H2BC7: variants seen among roughly 807,000 people sequenced by gnomAD.
H2BC7 encodes the protein H2B clustered histone 7.
Under a neutral mutation model 6.0 loss-of-function variants are expected in H2BC7, and 15 were observed. The observed-to-expected ratio is 2.48, with a 90% CI of 1.66 to 3.82. H2BC7 has a LOEUF of 3.82. H2BC7 is among the 30% of genes most tolerant of loss of function. H2BC7 has a pLI of 0.00. For synonymous variants in H2BC7, 148 were observed against 70.7 expected (o/e 2.09, Z -5.49); for missense variants, 227 against 169.4 (o/e 1.34, Z -1.89).
Position 26,199,585 on chromosome 6 carries a change from T to TGCTCCAAAAAAGG in H2BC7, c.38_50dup (p.Ala18GlyfsTer15). On this transcript the variant is annotated frameshift_variant, in exon 1 of 1. Coordinates refer to ENST00000356530, the MANE Select transcript of H2BC7 (RefSeq NM_003522.4). LOFTEE classifies it high-confidence loss of function. ...TGCCTGAACCTGCTAAGTCCGCTCC[T>TGCTCCAAAAAAGG]GCTCCAAAAAAGGGCTCCAAAAAGG... The TGCTCCAAAAAAGG allele has an allele frequency of 1.2e-6, 2 of 1,614,150 alleles. No homozygotes were observed. The highest frequency in any genetic ancestry group is 2.2e-5 in the South Asian group (2 of 91,088).
rs767943857 is a variant in H2BC7, at chr6:26,199,710, C to T, written c.152C>T (p.Pro51Leu). Residue 51 changes from proline to leucine, a missense_variant, in exon 1 of 1, where the codon CCC (proline) becomes CTC (leucine). Transcript: ENST00000356530. ...YVYKVLKQVH[P>L]DTGISSKAMG... ...TACAAGGTGCTAAAGCAGGTCCACC[C>T]CGACACCGGCATCTCATCCAAGGCC... The T allele has an allele frequency of 1.9e-6, 3 of 1,614,268 alleles. No homozygotes were observed.
At position 26,199,617 on chromosome 6, in the gene H2BC7, C is replaced by A; in HGVS notation, c.59C>A (p.Thr20Asn). ...AAAAAGGGCTCCAAAAAGGCGGTGA[C>A]CAAGGCGCAGAAGAAGGATGGTAAG... ...APKKGSKKAV[T>N]KAQKKDGKKR... The change falls in exon 1 of 1, where the codon ACC becomes AAC. Residue 20 changes from threonine (T) to asparagine (N), a missense_variant. Thr to Asn is a moderately conservative substitution (Grantham distance 65). Coordinates refer to ENST00000356530, the MANE Select transcript of H2BC7 (RefSeq NM_003522.4). 6.2e-7 allele frequency: 1 copy of A among 1,614,194 alleles called. No homozygotes were observed. Among genetic ancestry groups the A allele is most frequent in the Non-Finnish European group, 8.5e-7 (1 of 1,180,034 alleles).
Position 26,199,666 on chromosome 6 carries a change from G to T in H2BC7, c.108G>T (p.Glu36Asp). ...AGAAGCGCAAGCGTAGCCGCAAGGA[G>T]AGCTATTCCGTGTACGTGTACAAGG... ...DGKKRKRSRKESYSVYVYKVL... is the reference protein window; with the variant it reads ...DGKKRKRSRKDSYSVYVYKVL... Residue 36 changes from glutamate (E) to aspartate (D), a missense_variant, in exon 1 of 1, where the codon GAG becomes GAT. Coordinates refer to ENST00000356530, the MANE Select transcript of H2BC7 (RefSeq NM_003522.4). 2 of 1,614,262 alleles carry T rather than the reference G, an allele frequency of 1.2e-6. No individual in the cohort carries two copies. The highest frequency in any genetic ancestry group is 1.7e-6 in the Non-Finnish European group (2 of 1,180,040).
At position 26,199,725 on chromosome 6, in the gene H2BC7, C is replaced by T; in HGVS notation, c.167C>T (p.Ser56Leu). 1.9e-6 allele frequency: 3 copies of T among 1,614,258 alleles called. No homozygotes were observed. The highest frequency in any genetic ancestry group is 2.5e-6 in the Non-Finnish European group (3 of 1,180,050). The part of the protein sequence containing the change: ...LKQVHPDTGI[S>L]SKAMGIMNSF... ...CAGGTCCACCCCGACACCGGCATCT[C>T]ATCCAAGGCCATGGGCATCATGAAC... is the stretch of plus-strand genomic sequence containing the variant. Residue 56 changes from serine to leucine, a missense_variant, in exon 1 of 1, where the codon TCA (serine) becomes TTA (leucine). Transcript: ENST00000356530.
At position 26,199,653 on chromosome 6, in the gene H2BC7, G is replaced by A. The variant is rs954407765; in HGVS notation, c.95G>A (p.Arg32His). 3 of 1,614,252 alleles carry A rather than the reference G, an allele frequency of 1.9e-6. No homozygotes were observed. Among genetic ancestry groups the A allele is most frequent in the Middle Eastern group, 1.6e-4 (1 of 6,062 alleles). The change falls in exon 1 of 1, where the codon CGT becomes CAT. Residue 32 changes from arginine (R) to histidine (H), a missense_variant. Arg to His is a conservative substitution (Grantham distance 29). Transcript: ENST00000356530. ...AAGAAGGATGGTAAGAAGCGCAAGC[G>A]TAGCCGCAAGGAGAGCTATTCCGTG... is the stretch of plus-strand genomic sequence containing the variant. ...AQKKDGKKRK[R>H]SRKESYSVYV...
chr6:26,199,752 CCTT>C lies in H2BC7; in HGVS notation c.196_198del (p.Phe66del). 6.2e-7 allele frequency: 1 copy of C among 1,614,248 alleles called. No individual in the cohort carries two copies. The highest frequency in any genetic ancestry group is 1.1e-5 in the South Asian group (1 of 91,088). On this transcript the variant is annotated inframe_deletion, in exon 1 of 1. Coordinates refer to ENST00000356530, the MANE Select transcript of H2BC7 (RefSeq NM_003522.4). ...TCCAAGGCCATGGGCATCATGAACT[CCTT>C]CGTCAACGATATCTTCGAGCGCATC...
Position 26,199,837 on chromosome 6 carries a change from G to A in H2BC7, c.279G>A (p.Arg93=). ...ACAAGCGCTCCACCATCACCTCCAG[G>A]GAGATCCAGACGGCCGTACGCCTGC... ...HYNKRSTITS[R]EIQTAVRLLL... is the part of the protein sequence containing the mutation. The change falls in exon 1 of 1, where the codon AGG becomes AGA. Residue 93 remains arginine, a synonymous_variant. Transcript: ENST00000356530. The A allele has an allele frequency of 1.2e-6, 2 of 1,614,252 alleles. No individual in the cohort carries two copies. The highest frequency in any genetic ancestry group is 1.7e-6 in the Non-Finnish European group (2 of 1,180,044).
Position 26,199,884 on chromosome 6 carries a change from A to G in H2BC7, c.326A>G (p.Lys109Arg), listed in dbSNP as rs755298251. The G allele has an allele frequency of 8.7e-6, 14 of 1,614,128 alleles. No homozygotes were observed. In the South Asian group the frequency reaches 1.5e-4, roughly 18 times the overall value. The change falls in exon 1 of 1, where the codon AAG becomes AGG. Residue 109 changes from lysine to arginine, a missense_variant. Coordinates refer to ENST00000356530, the MANE Select transcript of H2BC7 (RefSeq NM_003522.4). ...CTGCTGCTGCCCGGGGAGCTGGCTAAGCACGCCGTGTCAGAGGGCACCAAG... is the reference window on the plus strand; with the variant it reads ...CTGCTGCTGCCCGGGGAGCTGGCTAGGCACGCCGTGTCAGAGGGCACCAAG... ...VRLLLPGELA[K>R]HAVSEGTKAV...
At position 26,199,891 on chromosome 6, in the gene H2BC7, C is replaced by A. The variant is rs371545300; in HGVS notation, c.333C>A (p.Ala111=). 2.5e-6 allele frequency: 4 copies of A among 1,614,116 alleles called. No individual in the cohort carries two copies. In the African/African-American group the frequency reaches 4.0e-5, roughly 16 times the overall value. Residue 111 remains alanine (A), a synonymous_variant, in exon 1 of 1, where the codon GCC becomes GCA. Transcript: ENST00000356530. The part of the protein sequence containing the change: ...LLLPGELAKH[A]VSEGTKAVTK... ...TGCCCGGGGAGCTGGCTAAGCACGC[C>A]GTGTCAGAGGGCACCAAGGCCGTCA...
rs766486383 is a variant in H2BC7, at chr6:26,199,983, C to T, written c.*44C>T. ...CAATCCCAAAGGCTCTTTTAAGAGC[C>T]ACCCACTTTTTCAGCTATAGAGTTG... On this transcript the variant is annotated 3_prime_UTR_variant, in exon 1 of 1. Transcript: ENST00000356530. 14 of 1,602,876 alleles carry T rather than the reference C, an allele frequency of 8.7e-6. No homozygotes were observed. The highest frequency in any genetic ancestry group is 1.3e-5 in the African/African-American group (1 of 74,110).
rs781524726 is a variant in H2BC7, at chr6:26,199,953, A to G, written c.*14A>G. The G allele has an allele frequency of 6.2e-7, 1 of 1,613,474 alleles. No individual in the cohort carries two copies. Among genetic ancestry groups the G allele is most frequent in the African/African-American group, 1.3e-5 (1 of 75,000 alleles). ...AGCTCTAAGTAATTCTAACGTCTTC[A>G]TACCCAATCCCAAAGGCTCTTTTAA... On this transcript the variant is annotated 3_prime_UTR_variant, in exon 1 of 1. Transcript: ENST00000356530.
Position 26,199,741 on chromosome 6 carries a change from C to G in H2BC7, c.183C>G (p.Gly61=). 1.2e-6 allele frequency: 2 copies of G among 1,614,250 alleles called. No individual in the cohort carries two copies. Among genetic ancestry groups the G allele is most frequent in the Non-Finnish European group, 8.5e-7 (1 of 1,180,042 alleles). ...PDTGISSKAM[G]IMNSFVNDIF... Reference sequence around the variant, plus strand: ...CCGGCATCTCATCCAAGGCCATGGGCATCATGAACTCCTTCGTCAACGATA... The same window carrying G: ...CCGGCATCTCATCCAAGGCCATGGGGATCATGAACTCCTTCGTCAACGATA... Residue 61 remains glycine, a synonymous_variant, in exon 1 of 1, where the codon GGC becomes GGG. Coordinates refer to ENST00000356530, the MANE Select transcript of H2BC7 (RefSeq NM_003522.4).
chr6:26,199,550 T>G lies in H2BC7; in HGVS notation c.-9T>G. 6.2e-7 allele frequency: 1 copy of G among 1,610,870 alleles called. No individual in the cohort carries two copies. The highest frequency in any genetic ancestry group is 8.5e-7 in the Non-Finnish European group (1 of 1,179,164). On this transcript the variant is annotated 5_prime_UTR_variant, in exon 1 of 1. Coordinates refer to ENST00000356530, the MANE Select transcript of H2BC7 (RefSeq NM_003522.4). ...TCTCTTTAGGTTGTGGACGAAGTGT[T>G]TATTTATCATGCCTGAACCTGCTAA...
chr6:26,199,687 C>A lies in H2BC7; in HGVS notation c.129C>A (p.Tyr43Ter). Reference protein sequence around the residue: ...SRKESYSVYVYKVLKQVHPDT... With the variant: ...SRKESYSVYV ...AGGAGAGCTATTCCGTGTACGTGTACAAGGTGCTAAAGCAGGTCCACCCCG... is the reference window on the plus strand; with the variant it reads ...AGGAGAGCTATTCCGTGTACGTGTAAAAGGTGCTAAAGCAGGTCCACCCCG... Residue 43 changes from tyrosine (Y) to a stop codon, truncating the protein, a stop_gained, in exon 1 of 1, where the codon TAC becomes TAA. Coordinates refer to ENST00000356530, the MANE Select transcript of H2BC7 (RefSeq NM_003522.4). LOFTEE classifies it high-confidence loss of function. 6.2e-7 allele frequency: 1 copy of A among 1,614,242 alleles called. No individual in the cohort carries two copies. Among genetic ancestry groups the A allele is most frequent in the Non-Finnish European group, 8.5e-7 (1 of 1,180,048 alleles).
In H2BC7 at chr6:26,199,958, C is replaced by G. The variant is rs200681962; in HGVS notation, c.*19C>G. 9.2e-5 allele frequency: 148 copies of G among 1,612,464 alleles called. No individual in the cohort carries two copies. Among genetic ancestry groups the G allele is most frequent in the Non-Finnish European group, 1.2e-4 (143 of 1,179,508 alleles). On this transcript the variant is annotated 3_prime_UTR_variant, in exon 1 of 1. Transcript: ENST00000356530. ...TAAGTAATTCTAACGTCTTCATACC[C>G]AATCCCAAAGGCTCTTTTAAGAGCC...
rs201280849 is a variant in H2BC7, at chr6:26,199,735, C to T, written c.177C>T (p.Ala59=). The stretch of plus-strand genomic sequence containing the variant: ...CCGACACCGGCATCTCATCCAAGGC[C>T]ATGGGCATCATGAACTCCTTCGTCA... ...VHPDTGISSK[A]MGIMNSFVND... Residue 59 remains alanine (A), a synonymous_variant, in exon 1 of 1, where the codon GCC becomes GCT. Coordinates refer to ENST00000356530, the MANE Select transcript of H2BC7 (RefSeq NM_003522.4). The T allele has an allele frequency of 3.1e-6, 5 of 1,614,264 alleles. No homozygotes were observed. The highest frequency in any genetic ancestry group is 3.4e-6 in the Non-Finnish European group (4 of 1,180,050).
Position 26,199,563 on chromosome 6 carries a change from C to T in H2BC7, c.5C>T (p.Pro2Leu). 1.9e-6 allele frequency: 3 copies of T among 1,613,798 alleles called. No individual in the cohort carries two copies. Among genetic ancestry groups the T allele is most frequent in the Non-Finnish European group, 2.5e-6 (3 of 1,179,946 alleles). M[P>L]EPAKSAPAPK... The stretch of plus-strand genomic sequence containing the variant: ...TGGACGAAGTGTTTATTTATCATGC[C>T]TGAACCTGCTAAGTCCGCTCCTGCT... Residue 2 changes from proline to leucine, a missense_variant, in exon 1 of 1, where the codon CCT becomes CTT. By Grantham distance (98) the Pro-to-Leu change is moderately conservative. Coordinates refer to ENST00000356530, the MANE Select transcript of H2BC7 (RefSeq NM_003522.4).
chr6:26,199,795 C>T lies in H2BC7; in HGVS notation c.237C>T (p.Ser79=). ...TCGAGCGCATCGCTGGCGAGGCTTC[C>T]CGCCTGGCGCATTACAACAAGCGCT... ...DIFERIAGEA[S]RLAHYNKRST... Residue 79 remains serine (S), a synonymous_variant, in exon 1 of 1, where the codon TCC becomes TCT. Transcript: ENST00000356530. 1 of 1,614,250 alleles carries T rather than the reference C, an allele frequency of 6.2e-7. No homozygotes were observed.
chr6:26,199,579 C>T lies in H2BC7; in HGVS notation c.21C>T (p.Ser7=), dbSNP rs924169965. 8 of 1,613,980 alleles carry T rather than the reference C, an allele frequency of 5.0e-6. No individual in the cohort carries two copies. The highest frequency in any genetic ancestry group is 2.7e-5 in the African/African-American group (2 of 74,890). The change falls in exon 1 of 1, where the codon TCC becomes TCT. Residue 7 remains serine (S), a synonymous_variant. Coordinates refer to ENST00000356530, the MANE Select transcript of H2BC7 (RefSeq NM_003522.4). MPEPAK[S]APAPKKGSKK... Reference sequence around the variant, plus strand: ...TTATCATGCCTGAACCTGCTAAGTCCGCTCCTGCTCCAAAAAAGGGCTCCA... The same window carrying T: ...TTATCATGCCTGAACCTGCTAAGTCTGCTCCTGCTCCAAAAAAGGGCTCCA...
Sources: allele counts gnomAD v4.1 joint callset, GRCh38; gene constraint gnomAD v4.1.1; transcripts MANE v1.5; gene names NCBI Gene and HGNC (gene_info 2026-07-23, HGNC 2026-07-21).